PAPPA: variants seen among roughly 807,000 people sequenced by gnomAD.
PAPPA encodes pappalysin 1.
A neutral mutation model predicts 164.0 loss-of-function variants in PAPPA; 60 were observed. The observed-to-expected ratio is 0.37, with a 90% CI of 0.30 to 0.45. The LOEUF (loss-of-function observed/expected upper bound fraction) is 0.45. PAPPA is among the 20% of genes least tolerant of loss of function. The pLI, the probability that PAPPA is intolerant of heterozygous loss-of-function variation, is 1.00. For synonymous variants in PAPPA, 875 were observed against 814.1 expected, an observed-to-expected ratio of 1.07 and a Z score of -1.27; for missense variants, 1,782 against 2,087.3, an observed-to-expected ratio of 0.85 and a Z score of 2.85.
chr9:116,353,520 C>T, intron 16 of PAPPA, 102 bp from the exon 17 acceptor site: 1 of 1,079,180 alleles, frequency 9.3e-7, no homozygotes, highest in Non-Finnish European at 1.4e-6. Flanking sequence ...GGAATCAAAA[C>T]TAGGAAATAG....
chr9:116,244,094 T>A (rs551615614), intron 7 of PAPPA, among the ~76,000 whole-genome samples: 1 of 152,258 alleles, frequency 6.6e-6, no homozygotes, highest in South Asian at 2.1e-4. Context: ...TTTCTCAGAA[T>A]GAAATATGGG....
chr9:116,374,393 C>T (rs1302892718), intron 19 of PAPPA, among the ~76,000 whole-genome samples: 3 of 152,102 alleles, frequency 2.0e-5, no homozygotes, highest in Non-Finnish European at 1.5e-5. Flanking sequence ...CTGAGGGGCC[C>T]CATCTGAGAT....
Position 116,398,542 on chromosome 9 carries a change from A to G in PAPPA, c.*1926A>G. The G allele has an allele frequency of 7.8e-7, 1 of 1,283,870 alleles. No homozygotes were observed. The highest frequency in any genetic ancestry group is 1.2e-5 in the South Asian group (1 of 80,758). 79.5% of individuals were successfully genotyped at this position (1,283,870 alleles called of 1,614,324 possible). A position where few individuals can be genotyped will look rare whatever the true frequency, so the allele number is the denominator to read the frequency against. ...GAACCACCATATTATATCACTCCCA[A>G]TAGCACTGACCTGGTGATCAAAAAC... On this transcript the variant is annotated 3_prime_UTR_variant, in exon 22 of 22. Transcript: ENST00000328252.
intron 19 of PAPPA, among the ~76,000 whole-genome samples, chr9:116,372,648 C>T (rs1389248865): frequency 2.6e-5 from 4 of 152,086 alleles, no homozygotes; most frequent in Non-Finnish European, 4.4e-5. Flanking sequence ...GTGCATCTCC[C>T]TATCCTCAGA....
intron 2 of PAPPA, among the ~76,000 whole-genome samples, chr9:116,196,054 A>G (rs1219974710): frequency 6.6e-6 from 1 of 152,164 alleles, no homozygotes; most frequent in African/African-American, 2.4e-5. Flanking sequence ...TAGGGAAGGA[A>G]CTGGAAGCTG....
chr9:116,333,219 T>A (rs1301899468), intron 12 of PAPPA, among the ~76,000 whole-genome samples: 1 of 152,160 alleles, frequency 6.6e-6, no homozygotes, highest in Non-Finnish European at 1.5e-5. Context: ...GTGAGCAATC[T>A]TCCTGTCCTC....
intron 20 of PAPPA, among the ~76,000 whole-genome samples, chr9:116,378,470 C>A (rs1054738849): frequency 6.6e-6 from 1 of 152,214 alleles, no homozygotes; most frequent in Non-Finnish European, 1.5e-5. Flanking sequence ...CCAGAGCCCA[C>A]TGAGGCAAAC....
chr9:116,154,212 A>C lies in PAPPA; in HGVS notation c.40A>C (p.Ser14Arg). ...WSWVLHLGLL[S>R]AALGCGLAER... ...TTGGGTGCTGCACCTGGGGCTGCTG[A>C]GCGCCGCGCTGGGCTGCGGGCTGGC... Residue 14 changes from serine (S) to arginine (R), a missense_variant, in exon 1 of 22, where the codon AGC (serine) becomes CGC (arginine). Physicochemically the swap from Ser to Arg is moderately radical, Grantham distance 110. Transcript: ENST00000328252. This position sits in a 1 kb window ranked among gnomAD's most constrained non-coding sequence, Gnocchi z 5.2. 6.8e-7 allele frequency: 1 copy of C among 1,475,542 alleles called. No individual in the cohort carries two copies. The highest frequency in any genetic ancestry group is 9.0e-7 in the Non-Finnish European group (1 of 1,113,132). 91.4% of individuals were successfully genotyped at this position (1,475,542 alleles called of 1,614,324 possible).
intron 9 of PAPPA, among the ~76,000 whole-genome samples, chr9:116,298,207 C>T (rs1845532937): frequency 6.6e-6 from 1 of 152,230 alleles, no homozygotes; most frequent in African/African-American, 2.4e-5. Flanking sequence ...CATGGCATTT[C>T]ACCTTGATGC....
chr9:116,260,010 T>G (rs1844982358), intron 7 of PAPPA, among the ~76,000 whole-genome samples: 1 of 152,186 alleles, frequency 6.6e-6, no homozygotes, highest in Non-Finnish European at 1.5e-5. Flanking sequence ...CCAGATCTAC[T>G]TGTAGCAATA....
chr9:116,353,843 C>T, intron 17 of PAPPA, 50 bp downstream of exon 17: 2 of 1,472,898 alleles, frequency 1.4e-6, no homozygotes, highest in Middle Eastern at 1.8e-4. Context: ...TTCCTTTCTG[C>T]TTACCAAAAA....
At chr9:116,311,285 C>T (rs76199508) in intron 10 of PAPPA, among the ~76,000 whole-genome samples, 14,501 of 152,110 alleles carry the variant, frequency 0.095, 752 homozygotes, top group South Asian at 0.15. Context: ...TCATTTTCAA[C>T]ATGAGGTTGA....
At chr9:116,383,608 C>T (rs1225633973) in intron 21 of PAPPA, among the ~76,000 whole-genome samples, 2 of 152,264 alleles carry the variant, frequency 1.3e-5, no homozygotes, top group Middle Eastern at 3.4e-3. Flanking sequence ...TTGGTTTCTT[C>T]AAGAAAGAAT....
At chr9:116,233,105 A>G (rs1283085506) in intron 6 of PAPPA, among the ~76,000 whole-genome samples, 2 of 152,226 alleles carry the variant, frequency 1.3e-5, no homozygotes, top group African/African-American at 4.8e-5. Context: ...CTTTTAACTC[A>G]ATGTTAACAG....
intron 4 of PAPPA, among the ~76,000 whole-genome samples, chr9:116,213,374 T>A (rs1241397858): frequency 1.3e-5 from 2 of 152,134 alleles, no homozygotes; most frequent in East Asian, 3.9e-4. Flanking sequence ...GAAGTGTCAA[T>A]AACCCACCTC....
chr9:116,186,809 C>T (rs1010099308), intron 1 of PAPPA, among the ~76,000 whole-genome samples: 1 of 152,190 alleles, frequency 6.6e-6, no homozygotes, highest in Non-Finnish European at 1.5e-5. Context: ...ATTATTATTG[C>T]TGCTGTTGTT....
Position 116,377,563 on chromosome 9 carries a change from C to G in PAPPA, c.4606-13C>G. On this transcript the variant is annotated splice_polypyrimidine_tract_variant and intron_variant, in intron 19 of 21. Transcript: ENST00000328252. ...CCCAAGCCCATCTGACCTTTCTCTC[C>G]CTCTTCCCACAGAGAGTTGTCTGCA... The G allele has an allele frequency of 3.1e-6, 5 of 1,607,692 alleles. No individual in the cohort carries two copies. Among genetic ancestry groups the G allele is most frequent in the Non-Finnish European group, 4.3e-6 (5 of 1,174,318 alleles).
chr9:116,355,630 T>G (rs1846343954), intron 17 of PAPPA, among the ~76,000 whole-genome samples: 2 of 152,198 alleles, frequency 1.3e-5, no homozygotes, highest in Non-Finnish European at 2.9e-5. Context: ...TGCTAACAGT[T>G]ACCCAAACTG....
intron 7 of PAPPA, among the ~76,000 whole-genome samples, chr9:116,258,015 G>T (rs1844952457): frequency 1.3e-5 from 2 of 151,860 alleles, no homozygotes; most frequent in Admixed American, 1.3e-4. Context: ...GGCATATATT[G>T]CTAATAAAAA....
Sources: allele counts gnomAD v4.1 joint callset (sites outside exome capture counted in the v4.1 genomes callset), GRCh38; gene constraint gnomAD v4.1.1; non-coding constraint Gnocchi (gnomAD v3.1); transcripts MANE v1.5; gene names NCBI Gene and HGNC (gene_info 2026-07-23, HGNC 2026-07-21).